WDR44: variants seen among roughly 807,000 people sequenced by gnomAD.
WDR44 encodes WD repeat domain 44, also known as WD repeat-containing protein 44.
WDR44 carries 9 observed loss-of-function variants against 65.7 expected under a neutral mutation model. The observed-to-expected ratio is 0.14, with a 90% CI of 0.08 to 0.24. WDR44 has a LOEUF of 0.24. WDR44 is among the 10% of genes least tolerant of loss of function. The probability of loss-of-function intolerance (pLI) is 1.00; values close to 1 mark genes in which losing one functional copy is unlikely to be tolerated. For missense variants in WDR44, 425 were observed against 670.9 expected, an observed-to-expected ratio of 0.63 and a Z score of 4.05; for synonymous variants, 220 against 235.2, an observed-to-expected ratio of 0.94 and a Z score of 0.59.
At chrX:118,367,142 G>GGGGT (rs1487993435) in intron 1 of WDR44, among the ~76,000 whole-genome samples, 1 of 111,982 alleles carries the variant, frequency 8.9e-6, no homozygotes, top group Admixed American at 9.5e-5. Context: ...ATCTGGCAGA[G>GGGGT]GGGTGGAAGA....
rs140354850 is a variant in WDR44 at position 118,409,526 on chromosome X, G to A, written c.1571G>A (p.Arg524Gln). Residue 524 changes from arginine (R) to glutamine (Q), a missense_variant, in exon 11 of 20, where the codon CGA becomes CAA. Coordinates refer to ENST00000254029, the MANE Select transcript of WDR44 (RefSeq NM_019045.5). ...ACCATGAAATTTTCTCACTGTGGCC[G>A]ATTACTTGCCTCAGCTGGACAAGAC... ...VWTMKFSHCG[R>Q]LLASAGQDNV... 4.1e-6 allele frequency: 5 copies of A among 1,208,295 alleles called. No homozygotes were observed. The highest frequency in any genetic ancestry group is 5.6e-6 in the Non-Finnish European group (5 of 894,452).
At chrX:118,410,804 C>G in intron 11 of WDR44, 91 bp from the exon 12 acceptor site, 3 of 709,934 alleles carry the variant, frequency 4.2e-6, no homozygotes, top group Non-Finnish European at 6.4e-6. Context: ...AACTATTAGA[C>G]ATTGCTGTGT....
rs144473974 is a variant in WDR44 at position 118,379,521 on chromosome X, T to G, written c.111+1069T>G. ...CATATACAGTAACGTTTCATTTATA[T>G]TAAGTTCAAAAGCATGCCAAACTAA... On this transcript the variant is annotated intron_variant, in intron 2 of 19. Coordinates refer to ENST00000254029, the MANE Select transcript of WDR44 (RefSeq NM_019045.5). Among the ~76,000 whole-genome samples the G allele has an allele frequency of 5.7e-3, 631 of 111,633 alleles. 3 individuals are homozygous for G. Among genetic ancestry groups the G allele is most frequent in the African/African-American group, 0.019 (594 of 30,797 alleles).
rs775703654 is a variant in WDR44, at chrX:118,448,948, A to T, written c.2703A>T (p.Ala901=). 2 of 1,199,584 alleles carry T rather than the reference A, an allele frequency of 1.7e-6. No homozygotes were observed. The highest frequency in any genetic ancestry group is 2.3e-6 in the Non-Finnish European group (2 of 888,621). Residue 901 remains alanine, a synonymous_variant, in exon 20 of 20, where the codon GCA becomes GCT. Transcript: ENST00000254029. ...EVLLSADFTG[A]IKVFVNKRKN... is the part of the protein sequence containing the mutation. Reference sequence around the variant, plus strand: ...TTCTCTCTGCTGACTTCACTGGAGCAATCAAAGTGTTTGTTAATAAAAGAA... The same window carrying T: ...TTCTCTCTGCTGACTTCACTGGAGCTATCAAAGTGTTTGTTAATAAAAGAA...
At chrX:118,377,619 A>G (rs752200704) in intron 1 of WDR44, among the ~76,000 whole-genome samples, 1 of 110,770 alleles carries the variant, frequency 9.0e-6, no homozygotes, top group African/African-American at 3.3e-5. Flanking sequence ...GTTTGAAAGT[A>G]GTGTTATGTC....
intron 13 of WDR44, among the ~76,000 whole-genome samples, chrX:118,435,614 A>G (rs1024727781): frequency 5.3e-5 from 6 of 112,743 alleles, no homozygotes; most frequent in Non-Finnish European, 9.4e-5. Flanking sequence ...ACATAGGTTC[A>G]TGGTGTGCCA....
In WDR44 at chrX:118,351,717, A is replaced by C. The variant is rs775324196; in HGVS notation, c.77+5137A>C. On this transcript the variant is annotated intron_variant, in intron 1 of 19. Transcript: ENST00000254029. The stretch of plus-strand genomic sequence containing the variant: ...GTAATCTCAGCAGTTTGGGAGGCTG[A>C]GGCGGGTGGATCACCTGAGGTCAGG... 1.8e-4 allele frequency among the ~76,000 whole-genome samples: 20 copies of C among 111,458 alleles called. 1 individual carries two copies. Among genetic ancestry groups the C allele is most frequent in the African/African-American group, 5.9e-4 (18 of 30,650 alleles).
chrX:118,416,688 A>G (rs1471212029), intron 12 of WDR44, among the ~76,000 whole-genome samples: 1 of 111,746 alleles, frequency 8.9e-6, no homozygotes, highest in African/African-American at 3.2e-5. Context: ...TTCTGTATAT[A>G]TATCTGTTAA....
intron 8 of WDR44, among the ~76,000 whole-genome samples, chrX:118,400,348 A>T (rs1352434562): frequency 9.0e-6 from 1 of 111,548 alleles, no homozygotes. Context: ...TGTATTAAAG[A>T]ACCAAAATGA....
chrX:118,401,364 A>T (rs1217019401), intron 8 of WDR44, among the ~76,000 whole-genome samples: 1 of 57,482 alleles, frequency 1.7e-5, no homozygotes, highest in Non-Finnish European at 2.9e-5. Context: ...TTGCCATTCT[A>T]ACTGGTGTGA....
intron 15 of WDR44, 72 bp downstream of exon 15, chrX:118,441,631 CTT>C: frequency 1.1e-6 from 1 of 925,038 alleles, no homozygotes; most frequent in Non-Finnish European, 1.5e-6. Context: ...GGACAAGTTG[CTT>C]ATCCCCTCTG....
intron 1 of WDR44, among the ~76,000 whole-genome samples, chrX:118,373,870 A>C (rs1447705891): frequency 8.9e-6 from 1 of 112,284 alleles, no homozygotes; most frequent in South Asian, 3.6e-4. Context: ...AAGCTAAAAC[A>C]TGTCAAGTGT....
At chrX:118,402,052 A>G (rs917046368) in intron 8 of WDR44, among the ~76,000 whole-genome samples, 6 of 109,123 alleles carry the variant, frequency 5.5e-5, no homozygotes, top group African/African-American at 2.0e-4. Flanking sequence ...TATATCATAG[A>G]CATCTCTTTA....
At chrX:118,377,002 C>CA (rs1476503037) in intron 1 of WDR44, among the ~76,000 whole-genome samples, 2 of 108,033 alleles carry the variant, frequency 1.9e-5, no homozygotes, top group Non-Finnish European at 3.8e-5. Flanking sequence ...GACCCTATCT[C>CA]AAAAAAATAT....
intron 13 of WDR44, among the ~76,000 whole-genome samples, chrX:118,436,185 C>CT (rs2057252832): frequency 8.9e-6 from 1 of 112,265 alleles, no homozygotes; most frequent in South Asian, 3.6e-4. Flanking sequence ...TTTCTATTCT[C>CT]TAATTTTCTT....
At chrX:118,438,440 A>G (rs1245832901) in intron 14 of WDR44, among the ~76,000 whole-genome samples, 14 of 106,832 alleles carry the variant, frequency 1.3e-4, no homozygotes, top group African/African-American at 4.8e-4. Context: ...CTTTTTATTT[A>G]TCTATTTTTG....
chrX:118,369,316 CA>C lies in WDR44; in HGVS notation c.78-9102del, dbSNP rs1399299846. ...CCTCCCGACTAGCTGGGACTATAGG[CA>C]CCCGCCACCATGCCCGGCTAATTTT... On this transcript the variant is annotated intron_variant, in intron 1 of 19. Coordinates refer to ENST00000254029, the MANE Select transcript of WDR44 (RefSeq NM_019045.5). Among the ~76,000 whole-genome samples the C allele has an allele frequency of 2.8e-5, 3 of 105,929 alleles. No homozygotes were observed. The Admixed American group carries it at 3.1e-4, about 11-fold the overall frequency. The allele number at this position is 105,929 out of a possible 115,157, so 92.0% of individuals were successfully genotyped here.
At chrX:118,439,171 G>A (rs916633135) in intron 14 of WDR44, among the ~76,000 whole-genome samples, 1 of 110,762 alleles carries the variant, frequency 9.0e-6, no homozygotes, top group Admixed American at 9.8e-5. Flanking sequence ...CTGACCTGGA[G>A]TGTTTTTAAG....
chrX:118,377,229 G>A lies in WDR44; in HGVS notation c.78-1190G>A, dbSNP rs757068715. Among the ~76,000 whole-genome samples, 49 of 109,587 alleles carry A rather than the reference G, an allele frequency of 4.5e-4. 1 individual carries two copies. The highest frequency in any genetic ancestry group is 1.5e-3 in the African/African-American group (46 of 30,083). On this transcript the variant is annotated intron_variant, in intron 1 of 19. Transcript: ENST00000254029. ...CAAAATATTAGCTGGGTGTGGTGGC[G>A]CATGCCTGTAGTCCCAGCTACTCAG...
Sources: allele counts gnomAD v4.1 joint callset (sites outside exome capture counted in the v4.1 genomes callset), GRCh38; gene constraint gnomAD v4.1.1; transcripts MANE v1.5; gene names NCBI Gene and HGNC (gene_info 2026-07-23, HGNC 2026-07-21).